Variants in ADCY5 observed in about 807,000 individuals in gnomAD.
ADCY5 encodes the protein adenylate cyclase type 5.
Under a neutral mutation model 119.7 loss-of-function variants are expected in ADCY5, and 30 were observed. That is an observed-to-expected ratio of 0.25 (90% confidence interval 0.19 to 0.34). The LOEUF (loss-of-function observed/expected upper bound fraction) is 0.34. Among genes scored for constraint, ADCY5 ranks in the 10% least tolerant of loss-of-function variants. The probability of loss-of-function intolerance (pLI) is 1.00; values close to 1 mark genes in which losing one functional copy is unlikely to be tolerated. For synonymous variants in ADCY5, 753 were observed against 762.2 expected (o/e 0.99, Z 0.20); for missense variants, 1,324 against 1,775.2 (o/e 0.75, Z 4.57).
intron 1 of ADCY5, among the ~76,000 whole-genome samples, chr3:123,356,622 A>T (rs1943048592): frequency 6.6e-6 from 1 of 152,268 alleles, no homozygotes; most frequent in African/African-American, 2.4e-5. Flanking sequence ...TAAAACAATG[A>T]GTACTATCAC....
Position 123,448,334 on chromosome 3 carries a change from C to T in ADCY5, c.212G>A (p.Ser71Asn). 2 of 1,532,584 alleles carry T rather than the reference C, an allele frequency of 1.3e-6. No individual in the cohort carries two copies. Among genetic ancestry groups the T allele is most frequent in the Non-Finnish European group, 1.7e-6 (2 of 1,150,602 alleles). The allele number at this position is 1,532,584 out of a possible 1,614,324, so 94.9% of individuals were successfully genotyped here. The change falls in exon 1 of 21, where the codon AGC becomes AAC. Residue 71 changes from serine (S) to asparagine (N), a missense_variant. Ser to Asn is a conservative substitution (Grantham distance 46). Around this residue, in one of 6 missense-constraint regions of ADCY5, gnomAD observed 585 missense variants for 569.9 expected, o/e 1.03. Transcript: ENST00000462833. ...GTCGTCGTCGTCGCTGCGCCAGCGG[C>T]TGGCCAGGCGCTGCTGCTGCTGCGG... ...VTPQQQQRLASRWRSDDDDDP... is the reference protein window; with the variant it reads ...VTPQQQQRLANRWRSDDDDDP...
At chr3:123,427,745 G>A (rs557364692) in intron 1 of ADCY5, among the ~76,000 whole-genome samples, 28 of 152,266 alleles carry the variant, frequency 1.8e-4, no homozygotes, top group African/African-American at 6.0e-4. Flanking sequence ...TTACTTCATA[G>A]GACTACTGTG....
intron 1 of ADCY5, among the ~76,000 whole-genome samples, chr3:123,431,680 T>C (rs1945525744): frequency 6.6e-6 from 1 of 152,222 alleles, no homozygotes; most frequent in African/African-American, 2.4e-5. Flanking sequence ...TAATTGCTGG[T>C]GATAAGAGCA....
Position 123,328,702 on chromosome 3 carries a change from C to T in ADCY5, c.1747G>A (p.Asp583Asn). The T allele has an allele frequency of 3.1e-6, 5 of 1,614,212 alleles. No individual in the cohort carries two copies. The highest frequency in any genetic ancestry group is 4.2e-6 in the Non-Finnish European group (5 of 1,180,040). ...AGCGTGACATCGTTAGACCAGACGT[C>T]GAACTGCCACTTCCTGAGACCAAGG... ...GVLGLRKWQF[D>N]VWSNDVTLAN... The change falls in exon 6 of 21, where the codon GAC (aspartate) becomes AAC (asparagine). Residue 583 changes from aspartate (D) to asparagine (N), a missense_variant. Physicochemically the swap from Asp to Asn is conservative, Grantham distance 23. Around this residue, in one of 6 missense-constraint regions of ADCY5, gnomAD observed 123 missense variants for 287.9 expected, o/e 0.43. Transcript: ENST00000462833.
chr3:123,405,977 G>A (rs67946200), intron 1 of ADCY5, among the ~76,000 whole-genome samples: 2 of 152,094 alleles, frequency 1.3e-5, no homozygotes, highest in East Asian at 1.9e-4. Flanking sequence ...CTGGGGTCTC[G>A]CTGACCCTGG....
At chr3:123,284,799 G>A in intron 20 of ADCY5, 63 bp from the exon 21 acceptor site, 2 of 1,605,196 alleles carry the variant, frequency 1.2e-6, no homozygotes, top group South Asian at 1.1e-5. Flanking sequence ...ACTGCTGTGG[G>A]GTAGAGCCAC....
chr3:123,441,294 C>T (rs1335209079), intron 1 of ADCY5, among the ~76,000 whole-genome samples: 1 of 152,140 alleles, frequency 6.6e-6, no homozygotes, highest in African/African-American at 2.4e-5. Flanking sequence ...TCAAAAACTT[C>T]CCAGGTGATT....
At chr3:123,379,619 G>A (rs1490505928) in intron 1 of ADCY5, among the ~76,000 whole-genome samples, 1 of 151,988 alleles carries the variant, frequency 6.6e-6, no homozygotes, top group African/African-American at 2.4e-5. Context: ...TGGAGAAGGG[G>A]GTGGGTGAGG....
chr3:123,349,658 C>A (rs74974929), intron 2 of ADCY5, among the ~76,000 whole-genome samples: 2 of 152,168 alleles, frequency 1.3e-5, no homozygotes, highest in African/African-American at 4.8e-5. Context: ...TGTCCCCCTA[C>A]CCCCTTGCTA....
At chr3:123,415,882 T>A (rs543300482) in intron 1 of ADCY5, among the ~76,000 whole-genome samples, 48 of 152,142 alleles carry the variant, frequency 3.2e-4, no homozygotes, top group African/African-American at 1.2e-3. Flanking sequence ...TAAATGGACA[T>A]GATGGCTGGA....
chr3:123,439,217 G>A (rs1053414589), intron 1 of ADCY5, among the ~76,000 whole-genome samples: 7 of 151,340 alleles, frequency 4.6e-5, no homozygotes, highest in Non-Finnish European at 7.4e-5. Context: ...ACAGGCGCCC[G>A]CCACCACGCC....
At chr3:123,302,245 C>T (rs894217421) in intron 14 of ADCY5, among the ~76,000 whole-genome samples, 4 of 152,220 alleles carry the variant, frequency 2.6e-5, no homozygotes, top group African/African-American at 7.2e-5. Flanking sequence ...TCCTGGCAAA[C>T]GCAGTACCAT....
chr3:123,314,813 C>T (rs1228338962), intron 11 of ADCY5, among the ~76,000 whole-genome samples: 1 of 151,178 alleles, frequency 6.6e-6, no homozygotes, highest in Non-Finnish European at 1.5e-5. Flanking sequence ...ATGTCAGCAG[C>T]ACAGCCAGCC....
intron 1 of ADCY5, among the ~76,000 whole-genome samples, chr3:123,403,150 C>A (rs1944818061): frequency 1.3e-5 from 2 of 152,044 alleles, no homozygotes; most frequent in Admixed American, 6.5e-5. Flanking sequence ...GGGGCCGCGG[C>A]AGGCAGATCC....
intron 1 of ADCY5, among the ~76,000 whole-genome samples, chr3:123,353,782 C>T (rs541534984): frequency 1.3e-5 from 2 of 152,304 alleles, no homozygotes; most frequent in Non-Finnish European, 1.5e-5. Flanking sequence ...TCTTGGCTCT[C>T]GACTCAGGTC....
chr3:123,325,042 C>T (rs1311753135), intron 8 of ADCY5, among the ~76,000 whole-genome samples: 1 of 152,218 alleles, frequency 6.6e-6, no homozygotes, highest in Non-Finnish European at 1.5e-5. Context: ...TGCCTGCTTC[C>T]AGGCTGTGCC....
At chr3:123,302,309 A>T (rs1329510462) in intron 14 of ADCY5, among the ~76,000 whole-genome samples, 2 of 152,250 alleles carry the variant, frequency 1.3e-5, no homozygotes, top group Admixed American at 6.5e-5. Flanking sequence ...TTTCTGAATA[A>T]GGATACGTGG....
intron 1 of ADCY5, among the ~76,000 whole-genome samples, chr3:123,394,034 G>A (rs1056578587): frequency 5.9e-5 from 9 of 152,014 alleles, no homozygotes; most frequent in Non-Finnish European, 1.0e-4. Flanking sequence ...CCAAGCTGAG[G>A]CAGGAGGATC....
rs1367132303 is a variant in ADCY5 at position 123,286,218 on chromosome 3, C to G, written c.3657+467G>C. On this transcript the variant is annotated intron_variant, in intron 20 of 20. Transcript: ENST00000462833. The surrounding 1 kb of genome is among the most constrained non-coding windows in gnomAD (Gnocchi z 4.2). Reference sequence around the variant, plus strand: ...GGGGAAAAGGCCTCTGAGTCTGTGGCCAGGGCCCTTGGCTGCTGGGGCTGG... The same window carrying G: ...GGGGAAAAGGCCTCTGAGTCTGTGGGCAGGGCCCTTGGCTGCTGGGGCTGG... Among the ~76,000 whole-genome samples the G allele has an allele frequency of 1.3e-5, 2 of 152,178 alleles. No homozygotes were observed. The highest frequency in any genetic ancestry group is 4.8e-5 in the African/African-American group (2 of 41,450).
Sources: allele counts gnomAD v4.1 joint callset (sites outside exome capture counted in the v4.1 genomes callset), GRCh38; gene constraint gnomAD v4.1.1; regional missense constraint gnomAD v4.1.1; non-coding constraint Gnocchi (gnomAD v3.1); transcripts MANE v1.5; gene names NCBI Gene and HGNC (gene_info 2026-07-23, HGNC 2026-07-21).